TBC1D5: variants seen among roughly 807,000 people sequenced by gnomAD.
The protein encoded by TBC1D5 is TBC1 domain family member 5, also known as TBC1 domain family, member 5.
TBC1D5 carries 75 observed loss-of-function variants against 100.3 expected under a neutral mutation model. The observed-to-expected ratio is 0.75, with a 90% CI of 0.62 to 0.91. The LOEUF is 0.91. Among genes scored for constraint, TBC1D5 ranks in the 40% least tolerant of loss-of-function variants. The pLI, the probability that TBC1D5 is intolerant of heterozygous loss-of-function variation, is 0.00. For synonymous variants in TBC1D5, 323 were observed against 325.6 expected, an observed-to-expected ratio of 0.99 and a Z score of 0.09; for missense variants, 910 against 942.4, an observed-to-expected ratio of 0.97 and a Z score of 0.45.
At chr3:17,491,071 A>T (rs2095634235) in intron 3 of TBC1D5, among the ~76,000 whole-genome samples, 1 of 152,134 alleles carries the variant, frequency 6.6e-6, no homozygotes, top group Non-Finnish European at 1.5e-5. Flanking sequence ...CTTGTTAGCA[A>T]TTGTGAATGG....
chr3:17,278,798 G>C (rs2080281317), intron 15 of TBC1D5, among the ~76,000 whole-genome samples: 1 of 152,160 alleles, frequency 6.6e-6, no homozygotes, highest in Non-Finnish European at 1.5e-5. Flanking sequence ...ATGTTAATTA[G>C]CTCTTCTAAA....
chr3:17,552,797 T>C (rs973087070), intron 2 of TBC1D5, among the ~76,000 whole-genome samples: 1 of 152,102 alleles, frequency 6.6e-6, no homozygotes, highest in African/African-American at 2.4e-5. Context: ...AAGGAGTTTG[T>C]CATGGGAGTT....
At chr3:17,258,853 T>C (rs928675161) in intron 15 of TBC1D5, among the ~76,000 whole-genome samples, 1 of 152,188 alleles carries the variant, frequency 6.6e-6, no homozygotes, top group Non-Finnish European at 1.5e-5. Flanking sequence ...AATTTTCAAA[T>C]ATAACTTTCC....
upstream of TBC1D5, among the ~76,000 whole-genome samples, chr3:17,741,271 A>G (rs1021087795): frequency 3.3e-5 from 5 of 152,240 alleles, no homozygotes; most frequent in Non-Finnish European, 7.3e-5. Context: ...GTGTTCTGTG[A>G]TACTGCAGAT....
In TBC1D5 at chr3:17,316,964, C is replaced by A. The variant is rs1452558626; in HGVS notation, c.996-8830G>T. 7.2e-5 allele frequency among the ~76,000 whole-genome samples: 11 copies of A among 152,154 alleles called. No homozygotes were observed. The South Asian group carries it at 2.3e-3, about 32-fold the overall frequency. ...CTGTGCTAGGCCATAGACTGAATGCCATGCTGACAACTCTTAATCATTAAT... is the reference window on the plus strand; with the variant it reads ...CTGTGCTAGGCCATAGACTGAATGCAATGCTGACAACTCTTAATCATTAAT... On this transcript the variant is annotated intron_variant, in intron 13 of 21. Coordinates refer to ENST00000253692, the Ensembl canonical transcript of TBC1D5.
chr3:17,490,707 G>C lies in TBC1D5; in HGVS notation c.97+17767C>G, dbSNP rs188703859. Among the ~76,000 whole-genome samples, 3 of 152,212 alleles carry C rather than the reference G, an allele frequency of 2.0e-5. No homozygotes were observed. In the East Asian group the frequency reaches 5.8e-4, roughly 29 times the overall value. ...TTTGTACCAGTACCATGCTGTGTTG[G>C]TTACTGTAGCTTTGTAGTATAGTTT... On this transcript the variant is annotated intron_variant, in intron 3 of 21. Coordinates refer to ENST00000253692, the Ensembl canonical transcript of TBC1D5.
At chr3:17,594,483 C>T (rs2060436381) in intron 2 of TBC1D5, among the ~76,000 whole-genome samples, 1 of 152,156 alleles carries the variant, frequency 6.6e-6, no homozygotes, top group Non-Finnish European at 1.5e-5. Flanking sequence ...AGGTAGTCAT[C>T]AATACCAGCT....
rs2066506706 is a variant in TBC1D5 at position 17,165,495 on chromosome 3, C to T, written c.2094+1272G>A. On this transcript the variant is annotated intron_variant, in intron 21 of 21. Coordinates refer to ENST00000253692, the Ensembl canonical transcript of TBC1D5. Reference sequence around the variant, plus strand: ...ACGAATGAAATTAAACTGGCAGTATCACTGTTGCATTCATGTGGCTACAAA... The same window carrying T: ...ACGAATGAAATTAAACTGGCAGTATTACTGTTGCATTCATGTGGCTACAAA... 2.0e-5 allele frequency among the ~76,000 whole-genome samples: 3 copies of T among 152,198 alleles called. No individual in the cohort carries two copies. In the South Asian group the frequency reaches 6.2e-4, roughly 31 times the overall value.
intron 18 of TBC1D5, among the ~76,000 whole-genome samples, chr3:17,195,349 C>G (rs1011986152): frequency 2.1e-4 from 32 of 152,184 alleles, no homozygotes; most frequent in Non-Finnish European, 3.7e-4. Context: ...TCCCCCTCCC[C>G]ACTTACACGT....
intron 13 of TBC1D5, among the ~76,000 whole-genome samples, chr3:17,324,268 CAT>C (rs2085798118): frequency 6.6e-6 from 1 of 152,154 alleles, no homozygotes; most frequent in Non-Finnish European, 1.5e-5. Flanking sequence ...TTTCTTAGGA[CAT>C]AGAAAACTCT....
At position 17,496,702 on chromosome 3, in the gene TBC1D5, A is replaced by G. The variant is rs563290640; in HGVS notation, c.97+11772T>C. ...TGGTGTGGACTGCAACGTGAAAAAA[A>G]TGTTAAAAATACAACAACTCTCAGT... On this transcript the variant is annotated intron_variant, in intron 3 of 21. Transcript: ENST00000253692. Among the ~76,000 whole-genome samples the G allele has an allele frequency of 1.5e-4, 23 of 152,332 alleles. 1 individual carries two copies. Among genetic ancestry groups the G allele is most frequent in the African/African-American group, 5.3e-4 (22 of 41,578 alleles).
chr3:17,618,544 C>T (rs2062379947), intron 2 of TBC1D5, among the ~76,000 whole-genome samples: 1 of 152,270 alleles, frequency 6.6e-6, no homozygotes, highest in Non-Finnish European at 1.5e-5. Context: ...TGCTGAGCTG[C>T]ACTGGGCTCT....
intron 17 of TBC1D5, among the ~76,000 whole-genome samples, chr3:17,217,083 A>G (rs1209230296): frequency 6.6e-6 from 1 of 152,086 alleles, no homozygotes; most frequent in East Asian, 1.9e-4. Context: ...TTCTGGCTCT[A>G]TGAATTTGCC....
intron 1 of TBC1D5, among the ~76,000 whole-genome samples, chr3:17,676,777 C>A (rs1411381425): frequency 6.6e-6 from 1 of 152,184 alleles, no homozygotes; most frequent in Non-Finnish European, 1.5e-5. Flanking sequence ...ATAACCAAAA[C>A]AGCATGGTAC....
At chr3:17,733,634 A>G (rs1346165220) in intron 1 of TBC1D5, among the ~76,000 whole-genome samples, 1 of 152,182 alleles carries the variant, frequency 6.6e-6, no homozygotes, top group African/African-American at 2.4e-5. Flanking sequence ...GATTTTCCAG[A>G]TATTTTAAAA....
intron 3 of TBC1D5, among the ~76,000 whole-genome samples, chr3:17,455,533 T>TGTGG (rs2095063510): frequency 6.9e-6 from 1 of 145,332 alleles, no homozygotes; most frequent in Admixed American, 6.8e-5. Context: ...TATATATATG[T>TGTGG]GTGTGTGTGT....
chr3:17,318,819 G>C (rs1197715580), intron 13 of TBC1D5, among the ~76,000 whole-genome samples: 2 of 152,156 alleles, frequency 1.3e-5, no homozygotes, highest in Non-Finnish European at 2.9e-5. Context: ...TCATCTGTGT[G>C]GTAGCTGGGT....
At chr3:17,391,831 A>C (rs2093359950) in intron 8 of TBC1D5, among the ~76,000 whole-genome samples, 1 of 152,154 alleles carries the variant, frequency 6.6e-6, no homozygotes, top group Non-Finnish European at 1.5e-5. Flanking sequence ...AACATAGAAA[A>C]TGAATCTAAT....
intron 3 of TBC1D5, among the ~76,000 whole-genome samples, chr3:17,457,210 C>A (rs907930831): frequency 4.6e-5 from 7 of 152,102 alleles, no homozygotes; most frequent in African/African-American, 1.7e-4. Context: ...CTCTGAATTT[C>A]TTGAATCTCT....
Sources: gnomAD v4.1 joint callset for allele counts (sites outside exome capture counted in the v4.1 genomes callset) on GRCh38, gnomAD v4.1.1 for gene constraint, MANE v1.5 for transcripts, NCBI Gene and HGNC (gene_info 2026-07-23, HGNC 2026-07-21) for gene names.